The following ROBO2 variants were observed in gnomAD, a reference collection of about 807,000 sequenced individuals.
ROBO2 encodes the protein roundabout homolog 2.
Under a neutral mutation model 160.8 loss-of-function variants are expected in ROBO2, and 53 were observed. That is an observed-to-expected ratio of 0.33 (90% CI 0.26 to 0.41). ROBO2 has a LOEUF of 0.41. Ranked by LOEUF, ROBO2 falls within the 10% of genes least tolerant of loss-of-function variation. ROBO2 has a pLI of 1.00. For synonymous variants in ROBO2, 664 were observed against 611.7 expected (o/e 1.09, Z -1.26); for missense variants, 1,577 against 1,722.4 (o/e 0.92, Z 1.49).
At chr3:76,671,694 A>G (rs2092268129) in intron 2 of ROBO2, among the ~76,000 whole-genome samples, 1 of 152,086 alleles carries the variant, frequency 6.6e-6, no homozygotes, top group Admixed American at 6.6e-5. Flanking sequence ...AAGTATATAA[A>G]TATTTCATTT....
At chr3:77,634,628 G>T in intron 23 of ROBO2, 1 of 506,812 alleles carries the variant, frequency 2.0e-6, no homozygotes, top group Non-Finnish European at 3.6e-6. Flanking sequence ...TCTGTTTTAT[G>T]TTCATTTGTT....
chr3:77,045,492 C>T (rs2064556615), intron 1 of ROBO2, among the ~76,000 whole-genome samples: 1 of 152,196 alleles, frequency 6.6e-6, no homozygotes, highest in Non-Finnish European at 1.5e-5. Flanking sequence ...TGCATCAGTG[C>T]TTGACATACT....
At chr3:77,114,771 C>T (rs149763697) in intron 2 of ROBO2, among the ~76,000 whole-genome samples, 2,402 of 151,970 alleles carry the variant, frequency 0.016, 40 homozygotes, top group Non-Finnish European at 0.024. Context: ...TTTAAAAAAG[C>T]AAAGAAGTAA....
chr3:76,696,234 A>T (rs2092924270), intron 2 of ROBO2, among the ~76,000 whole-genome samples: 1 of 152,216 alleles, frequency 6.6e-6, no homozygotes, highest in Non-Finnish European at 1.5e-5. Flanking sequence ...CAGATTTGTA[A>T]TGGAGACATT....
chr3:76,994,587 G>T (rs568299765), intron 2 of ROBO2, among the ~76,000 whole-genome samples: 2 of 152,120 alleles, frequency 1.3e-5, no homozygotes, highest in East Asian at 1.9e-4. Context: ...TAGCAAGTAA[G>T]AAATTCTTAT....
chr3:76,798,218 A>T (rs531742631), intron 2 of ROBO2, among the ~76,000 whole-genome samples: 1 of 149,382 alleles, frequency 6.7e-6, no homozygotes, highest in South Asian at 2.1e-4. Context: ...AAAGAGAAAA[A>T]GAAAGAAAGA....
intron 20 of ROBO2, chr3:77,602,878 C>A: frequency 2.1e-6 from 1 of 465,372 alleles, no homozygotes; most frequent in Non-Finnish European, 4.3e-6. Flanking sequence ...TCTGCATGGG[C>A]TTGTGCTGTG....
chr3:76,098,476 A>G (rs2069544579), intron 2 of ROBO2, among the ~76,000 whole-genome samples: 1 of 152,168 alleles, frequency 6.6e-6, no homozygotes, highest in Non-Finnish European at 1.5e-5. Context: ...TACTGATGAA[A>G]TATACTAAAT....
Position 76,382,383 on chromosome 3 carries a change from T to A in ROBO2, c.109+444781T>A, listed in dbSNP as rs558234804. Among the ~76,000 whole-genome samples the A allele has an allele frequency of 2.6e-4, 40 of 152,212 alleles. 1 individual carries two copies. The highest frequency in any genetic ancestry group is 9.6e-4 in the African/African-American group (40 of 41,544). ...GCAGGCGGATCACAAGGTCAGGAGA[T>A]CGAGACCATCCTGGCTAACACGGTG... On this transcript the variant is annotated intron_variant, in intron 2 of 26. Transcript: ENST00000487694.
At chr3:76,329,103 A>T (rs2107999120) in intron 2 of ROBO2, among the ~76,000 whole-genome samples, 1 of 152,098 alleles carries the variant, frequency 6.6e-6, no homozygotes, top group East Asian at 2.0e-4. Context: ...CACTCAGCGC[A>T]GGAAGCAGCT....
At chr3:77,451,815 G>A (rs2081144823) in intron 2 of ROBO2, among the ~76,000 whole-genome samples, 1 of 150,878 alleles carries the variant, frequency 6.6e-6, no homozygotes, top group Non-Finnish European at 1.5e-5. Context: ...GGGTACATGT[G>A]CACAATGTGC....
chr3:76,452,674 C>A (rs2077536378), intron 2 of ROBO2, among the ~76,000 whole-genome samples: 1 of 152,096 alleles, frequency 6.6e-6, no homozygotes, highest in Admixed American at 6.6e-5. Context: ...ATTTATAATC[C>A]TTTGGGTATA....
intron 2 of ROBO2, among the ~76,000 whole-genome samples, chr3:77,413,567 T>C (rs550220173): frequency 6.6e-6 from 1 of 152,316 alleles, no homozygotes; most frequent in South Asian, 2.1e-4. Flanking sequence ...GTTGAGAATT[T>C]CCCACATGGT....
At chr3:76,265,615 A>T (rs570067241) in intron 2 of ROBO2, among the ~76,000 whole-genome samples, 1 of 152,134 alleles carries the variant, frequency 6.6e-6, no homozygotes, top group Non-Finnish European at 1.5e-5. Context: ...GAGCACCTGC[A>T]AAGTGTTATA....
At chr3:77,578,210 T>G (rs1461575200) in intron 15 of ROBO2, among the ~76,000 whole-genome samples, 1 of 152,158 alleles carries the variant, frequency 6.6e-6, no homozygotes, top group African/African-American at 2.4e-5. Context: ...TAGAAACATA[T>G]GTATCTATTG....
At chr3:77,130,817 G>A (rs1047345759) in intron 2 of ROBO2, among the ~76,000 whole-genome samples, 4 of 152,004 alleles carry the variant, frequency 2.6e-5, no homozygotes, top group African/African-American at 7.2e-5. Context: ...CAAAGTAATC[G>A]CCATGATTTT....
chr3:75,956,842 A>G (rs1948738180), intron 2 of ROBO2, among the ~76,000 whole-genome samples: 3 of 151,748 alleles, frequency 2.0e-5, no homozygotes, highest in African/African-American at 7.2e-5. Context: ...GCATTGGCCC[A>G]CTTTATAGCA....
chr3:76,110,201 G>C (rs1994523), intron 2 of ROBO2, among the ~76,000 whole-genome samples: 59,293 of 151,798 alleles, frequency 0.39, 11,918 homozygotes, highest in African/African-American at 0.49. Context: ...ACAACACTTT[G>C]ATCATAGTAG....
At chr3:76,212,723 C>T (rs909956406) in intron 2 of ROBO2, among the ~76,000 whole-genome samples, 1 of 151,930 alleles carries the variant, frequency 6.6e-6, no homozygotes, top group Non-Finnish European at 1.5e-5. Context: ...GTAAGTTTTC[C>T]CTTGTCCATT....
Sources: gnomAD v4.1 joint callset for allele counts (sites outside exome capture counted in the v4.1 genomes callset) on GRCh38, gnomAD v4.1.1 for gene constraint, MANE v1.5 for transcripts, NCBI Gene and HGNC (gene_info 2026-07-23, HGNC 2026-07-21) for gene names.